Variants in RANBP2 observed in about 807,000 individuals in gnomAD.
RANBP2 encodes RAN binding protein 2, also known as E3 SUMO-protein ligase RanBP2.
In RANBP2, 57 loss-of-function variants were observed where a neutral mutation model predicts 303.6. The observed-to-expected ratio is 0.19, with a 90% confidence interval of 0.15 to 0.23. The LOEUF is 0.23. Ranked by LOEUF, RANBP2 falls within the 10% of genes least tolerant of loss-of-function variation. RANBP2 has a pLI of 1.00. For missense variants in RANBP2, 3,138 were observed against 3,780.8 expected (o/e 0.83, Z 4.46); for synonymous variants, 1,167 against 1,301.5 (o/e 0.90, Z 2.23).
the RANBP2 span, among the ~76,000 whole-genome samples, chr2:109,284,809 G>A: frequency 4.6e-5 from 7 of 151,784 alleles, no homozygotes; most frequent in South Asian, 8.3e-4. Flanking sequence ...CCTCGTGTCA[G>A]ATGACATGTG....
chr2:108,817,927 C>T, the RANBP2 span, among the ~76,000 whole-genome samples: 1 of 152,158 alleles, frequency 6.6e-6, no homozygotes, highest in African/African-American at 2.4e-5. Context: ...TCAATTATTT[C>T]CCTAAATCTA....
At chr2:109,760,389 A>AGGCGG in the RANBP2 span, 1 of 370,574 alleles carries the variant, frequency 2.7e-6, no homozygotes, top group Non-Finnish European at 3.2e-6. Context: ...GCCGGGGGCC[A>AGGCGG]GGCGGGGCGG....
At chr2:109,552,655 C>A in the RANBP2 span, 1 of 167,610 alleles carries the variant, frequency 6.0e-6, no homozygotes, top group South Asian at 1.6e-4. Context: ...TGTGGCTTAC[C>A]CTGCTAGGCA....
the RANBP2 span, among the ~76,000 whole-genome samples, chr2:109,562,105 C>T: frequency 6.6e-6 from 1 of 151,952 alleles, no homozygotes; most frequent in Non-Finnish European, 1.5e-5. Context: ...CCCAGCTACT[C>T]AGGAGGCTGA....
chr2:108,957,590 C>T, the RANBP2 span, among the ~76,000 whole-genome samples: 1 of 152,232 alleles, frequency 6.6e-6, no homozygotes, highest in Non-Finnish European at 1.5e-5. Flanking sequence ...TGATCCACAG[C>T]CACACACCTG....
rs776975475 is a variant in RANBP2 at position 108,767,131 on chromosome 2, G to T, written c.6592G>T (p.Gly2198Cys). Residue 2198 changes from glycine (G) to cysteine (C), a missense_variant, in exon 20 of 29, where the codon GGT (glycine) becomes TGT (cysteine). Physicochemically the swap from Gly to Cys is radical, Grantham distance 159. Around this residue, in one of 20 missense-constraint regions of RANBP2, gnomAD observed 103 missense variants for 214.3 expected, o/e 0.48. Transcript: ENST00000283195. ...QTKVTEEENK[G>C]SGTGAAGASD... ...AAAAGTCACTGAGGAAGAAAATAAG[G>T]GTTCAGGTACAGGTGCGGCCGGTGC... The T allele has an allele frequency of 2.5e-6, 4 of 1,611,906 alleles. No homozygotes were observed. In the Admixed American group the frequency reaches 5.0e-5, roughly 20 times the overall value.
the RANBP2 span, among the ~76,000 whole-genome samples, chr2:109,481,338 T>A: frequency 6.6e-6 from 1 of 152,106 alleles, no homozygotes; most frequent in African/African-American, 2.4e-5. Context: ...CTCAGCAAAC[T>A]GAGTTTGAGC....
the RANBP2 span, among the ~76,000 whole-genome samples, chr2:109,024,572 C>T: frequency 6.6e-6 from 1 of 152,208 alleles, no homozygotes; most frequent in Non-Finnish European, 1.5e-5. Context: ...AGCTTCACCT[C>T]TGAAGACTGA....
the RANBP2 span, among the ~76,000 whole-genome samples, chr2:109,243,067 T>A: frequency 6.6e-6 from 1 of 152,220 alleles, no homozygotes; most frequent in Non-Finnish European, 1.5e-5. Flanking sequence ...TGAAATCGGC[T>A]GTTCATATTC....
the RANBP2 span, among the ~76,000 whole-genome samples, chr2:109,139,940 A>G: frequency 6.6e-6 from 1 of 152,234 alleles, no homozygotes; most frequent in Non-Finnish European, 1.5e-5. Flanking sequence ...GTTCCTAGGC[A>G]GATGGAGGCT....
chr2:109,727,054 C>T, the RANBP2 span, among the ~76,000 whole-genome samples: 736 of 152,324 alleles, frequency 4.8e-3, 5 homozygotes, highest in Non-Finnish European at 8.6e-3. Flanking sequence ...GCACCATGTA[C>T]TGCCCTGGTG....
At chr2:109,249,796 A>T in the RANBP2 span, among the ~76,000 whole-genome samples, 1 of 151,678 alleles carries the variant, frequency 6.6e-6, no homozygotes, top group Non-Finnish European at 1.5e-5. Flanking sequence ...AGCTGGGACT[A>T]CAGGCGCCCG....
the RANBP2 span, chr2:108,856,840 G>A: frequency 1.9e-6 from 3 of 1,613,404 alleles, no homozygotes; most frequent in Non-Finnish European, 2.5e-6. Context: ...TGGACTTGAA[G>A]ACAGAAGAAG....
the RANBP2 span, among the ~76,000 whole-genome samples, chr2:109,640,439 G>A: frequency 6.6e-6 from 1 of 152,132 alleles, no homozygotes; most frequent in African/African-American, 2.4e-5. Context: ...GCAACAGAGT[G>A]ATACTCCATC....
the RANBP2 span, among the ~76,000 whole-genome samples, chr2:108,972,787 C>T: frequency 5.4e-4 from 82 of 152,266 alleles, no homozygotes; most frequent in African/African-American, 1.7e-3. Context: ...GGGTGAGGAC[C>T]GGGGGGCCTC....
intron 1 of RANBP2, among the ~76,000 whole-genome samples, chr2:108,724,834 G>C (rs534835702): frequency 6.6e-6 from 1 of 151,534 alleles, no homozygotes; most frequent in African/African-American, 2.4e-5. Context: ...CCCTTGTTGG[G>C]ACTCCACAGA....
At chr2:109,116,052 T>C in the RANBP2 span, among the ~76,000 whole-genome samples, 16 of 152,204 alleles carry the variant, frequency 1.1e-4, no homozygotes, top group Admixed American at 2.6e-4. Context: ...TTCTCTCTGT[T>C]TGCCCTTAAC....
the RANBP2 span, chr2:108,798,438 C>A: frequency 6.2e-7 from 1 of 1,612,312 alleles, no homozygotes; most frequent in Non-Finnish European, 8.5e-7. Flanking sequence ...TGTGAAACTG[C>A]AGCACAACAG....
the RANBP2 span, among the ~76,000 whole-genome samples, chr2:108,885,895 A>C: frequency 6.6e-6 from 1 of 152,216 alleles, no homozygotes; most frequent in Non-Finnish European, 1.5e-5. Context: ...TTTCACTTAA[A>C]ATAATGACCT....
Sources: gnomAD v4.1 joint callset for allele counts (sites outside exome capture counted in the v4.1 genomes callset) on GRCh38, gnomAD v4.1.1 for gene constraint, gnomAD v4.1.1 regional missense constraint, MANE v1.5 for transcripts, NCBI Gene and HGNC (gene_info 2026-07-23, HGNC 2026-07-21) for gene names.